The following NUB1 variants were observed in gnomAD, a reference collection of about 807,000 sequenced individuals.
NUB1 encodes negative regulator of ubiquitin like proteins 1, also known as NEDD8 ultimate buster 1.
NUB1 carries 41 observed loss-of-function variants against 77.1 expected under a neutral mutation model. The observed-to-expected ratio is 0.53, with a 90% CI of 0.41 to 0.69. The LOEUF is 0.69. Among genes scored for constraint, NUB1 ranks in the 30% least tolerant of loss-of-function variants. NUB1 has a pLI of 0.00. For missense variants in NUB1, 643 were observed against 743.8 expected (o/e 0.86, Z 1.58); for synonymous variants, 257 against 281.0 (o/e 0.91, Z 0.85).
intron 3 of NUB1, 23 bp downstream of exon 3, chr7:151,349,263 A>G (rs1476869955): frequency 1.3e-6 from 2 of 1,590,126 alleles, no homozygotes; most frequent in Non-Finnish European, 1.7e-6. Flanking sequence ...CCTAAATTTG[A>G]GTAGGCACTA....
At chr7:151,348,555 T>G (rs1796613384) in intron 2 of NUB1, among the ~76,000 whole-genome samples, 4 of 142,968 alleles carry the variant, frequency 2.8e-5, no homozygotes, top group Admixed American at 2.2e-4. Flanking sequence ...AATGTTTTTG[T>G]TTTTTGCTTT....
At chr7:151,344,766 A>G (rs1441009080) in intron 1 of NUB1, among the ~76,000 whole-genome samples, 1 of 152,140 alleles carries the variant, frequency 6.6e-6, no homozygotes, top group East Asian at 1.9e-4. Flanking sequence ...TTTTGAGACC[A>G]AGGTGGGTGG....
rs925298173 is a variant in NUB1 at position 151,349,641 on chromosome 7, C to T, written c.285+401C>T. 5.9e-5 allele frequency among the ~76,000 whole-genome samples: 9 copies of T among 152,148 alleles called. No homozygotes were observed. The East Asian group carries it at 9.6e-4, about 16-fold the overall frequency. ...TCCGCTGAGTGCTCTCAAGCAGGGC[C>T]GAGGAGATCTGGGTGGGGTCACCTC... On this transcript the variant is annotated intron_variant, in intron 3 of 14. Coordinates refer to ENST00000568733, the MANE Select transcript of NUB1 (RefSeq NM_001243351.2).
chr7:151,367,318 T>G (rs1222252690), intron 9 of NUB1, among the ~76,000 whole-genome samples, 193 bp downstream of exon 9: 1 of 152,228 alleles, frequency 6.6e-6, no homozygotes, highest in Non-Finnish European at 1.5e-5. Flanking sequence ...TTACTTAGCG[T>G]GTGAGCATTT....
rs372920157 is a variant in NUB1 at position 151,345,428 on chromosome 7, T to C, written c.79T>C (p.Tyr27His). 1 of 1,607,470 alleles carries C rather than the reference T, an allele frequency of 6.2e-7. No individual in the cohort carries two copies. The highest frequency in any genetic ancestry group is 1.1e-5 in the South Asian group (1 of 89,404). ...CAGGATTCAACTTTGGAAACCTCCA[T>C]ATACAGATGAAAATAAAAAAGTTGG... ...EDRIQLWKPP[Y>H]TDENKKVGLA... The change falls in exon 2 of 15, where the codon TAT becomes CAT. Residue 27 changes from tyrosine (Y) to histidine (H), a missense_variant. Coordinates refer to ENST00000568733, the MANE Select transcript of NUB1 (RefSeq NM_001243351.2).
chr7:151,345,310 C>A, intron 1 of NUB1, 38 bp from the exon 2 acceptor site: 2 of 1,293,228 alleles, frequency 1.5e-6, no homozygotes, highest in Admixed American at 1.9e-5. Flanking sequence ...TTTTAAAATG[C>A]GATGTGGAGT....
chr7:151,365,754 A>AAG (rs552859178), intron 8 of NUB1, among the ~76,000 whole-genome samples: 7 of 152,350 alleles, frequency 4.6e-5, no homozygotes, highest in African/African-American at 1.2e-4. Context: ...CGAAATTAGA[A>AAG]ATGTTGAGAG....
intron 4 of NUB1, chr7:151,351,987 C>T (rs1796822761): frequency 2.5e-6 from 1 of 405,702 alleles, no homozygotes; most frequent in African/African-American, 2.0e-5. Flanking sequence ...TGGGTTATTT[C>T]ATCTCCTTGT....
intron 1 of NUB1, among the ~76,000 whole-genome samples, chr7:151,342,933 C>T (rs1175212282): frequency 2.0e-5 from 3 of 152,154 alleles, no homozygotes; most frequent in African/African-American, 7.2e-5. Flanking sequence ...CCTCGGCCTC[C>T]CAAGTGCTGG....
At chr7:151,345,546 AC>A in intron 2 of NUB1, 80 bp downstream of exon 2, 1 of 795,190 alleles carries the variant, frequency 1.3e-6, no homozygotes, top group Non-Finnish European at 2.0e-6. Context: ...GTCAGGCATG[AC>A]CATATAAACT....
intron 1 of NUB1, 111 bp from the exon 2 acceptor site, chr7:151,345,237 G>A (rs1796448866): frequency 1.3e-5 from 8 of 639,870 alleles, no homozygotes; most frequent in Non-Finnish European, 1.7e-5. Context: ...TATATTTAAT[G>A]ACAGAGGAAG....
chr7:151,368,811 AG>A lies in NUB1; in HGVS notation c.1174del (p.Glu392LysfsTer6). The A allele has an allele frequency of 6.2e-7, 1 of 1,614,068 alleles. No individual in the cohort carries two copies. The highest frequency in any genetic ancestry group is 8.5e-7 in the Non-Finnish European group (1 of 1,179,898). ...DNLLQLGFTA[Q>X]EARLGLRACD... ...TTGTTGCAGTTGGGGTTTACTGCCC[AG>A]GAAGCCCGGCTTGGCCTGAGGGCGT... On this transcript the variant is annotated frameshift_variant, in exon 11 of 15. Transcript: ENST00000568733. LOFTEE classifies it high-confidence loss of function.
At chr7:151,374,390 C>G in intron 12 of NUB1, 147 bp downstream of exon 12, 3 of 1,076,942 alleles carry the variant, frequency 2.8e-6, no homozygotes, top group Non-Finnish European at 4.1e-6. Flanking sequence ...CTCCTGGGCT[C>G]CAGCCCAGAC....
At chr7:151,341,993 G>T in intron 1 of NUB1, 147 bp downstream of exon 1, 3 of 1,246,542 alleles carry the variant, frequency 2.4e-6, no homozygotes, top group Non-Finnish European at 3.0e-6. Flanking sequence ...GAGCTGGGCC[G>T]GGGCCGGGGC....
intron 2 of NUB1, among the ~76,000 whole-genome samples, chr7:151,347,849 A>G (rs1408518075): frequency 6.6e-6 from 1 of 152,234 alleles, no homozygotes; most frequent in East Asian, 1.9e-4. Flanking sequence ...ATTTTTACGT[A>G]CTACATGGTA....
At chr7:151,371,789 G>A (rs542460022) in intron 11 of NUB1, among the ~76,000 whole-genome samples, 1 of 152,306 alleles carries the variant, frequency 6.6e-6, no homozygotes, top group Non-Finnish European at 1.5e-5. Context: ...TCTTGTCCAG[G>A]CTGGAGGGCA....
At chr7:151,376,063 C>T in intron 13 of NUB1, 120 bp downstream of exon 13, 2 of 722,506 alleles carry the variant, frequency 2.8e-6, no homozygotes, top group South Asian at 1.5e-5. Flanking sequence ...GGCTCCCAGG[C>T]TCCAGGTGTA....
chr7:151,350,320 T>G (rs1030711025), intron 3 of NUB1, among the ~76,000 whole-genome samples: 1 of 152,232 alleles, frequency 6.6e-6, no homozygotes, highest in Non-Finnish European at 1.5e-5. Context: ...GAGCAGAGTC[T>G]TCTCTAACTA....
intron 8 of NUB1, among the ~76,000 whole-genome samples, chr7:151,366,547 G>C (rs77203392): frequency 6.6e-6 from 1 of 151,504 alleles, no homozygotes; most frequent in Non-Finnish European, 1.5e-5. Flanking sequence ...AAGAAAGAAC[G>C]TTGCTCTGGC....
Sources: allele counts gnomAD v4.1 joint callset (sites outside exome capture counted in the v4.1 genomes callset), GRCh38; gene constraint gnomAD v4.1.1; transcripts MANE v1.5; gene names NCBI Gene and HGNC (gene_info 2026-07-23, HGNC 2026-07-21).